Variants in EDIL3 observed in about 807,000 individuals in gnomAD.
EDIL3 encodes the protein EGF-like repeat and discoidin I-like domain-containing protein 3.
In EDIL3, 37 loss-of-function variants were observed where a neutral mutation model predicts 67.4. The observed-to-expected ratio is 0.55, with a 90% CI of 0.42 to 0.72. The LOEUF (loss-of-function observed/expected upper bound fraction) is 0.72, where lower values mean the gene tolerates loss of function less well. Ranked by LOEUF, EDIL3 falls within the 30% of genes least tolerant of loss-of-function variation. EDIL3 has a pLI of 0.00. For missense variants in EDIL3, 527 were observed against 586.3 expected, an observed-to-expected ratio of 0.90 and a Z score of 1.04; for synonymous variants, 195 against 196.3, an observed-to-expected ratio of 0.99 and a Z score of 0.05.
intron 1 of EDIL3, among the ~76,000 whole-genome samples, chr5:84,288,401 G>A (rs560629784): frequency 6.6e-6 from 1 of 152,154 alleles, no homozygotes; most frequent in South Asian, 2.1e-4. Context: ...TGCAGCAAGA[G>A]TGATTTTGTT....
chr5:84,257,193 C>G (rs1745137604), intron 1 of EDIL3, among the ~76,000 whole-genome samples: 1 of 152,084 alleles, frequency 6.6e-6, no homozygotes, highest in Admixed American at 6.6e-5. Flanking sequence ...CCTTAAGAAA[C>G]CTTCCATGGC....
At chr5:84,001,044 T>C (rs929405131) in intron 9 of EDIL3, among the ~76,000 whole-genome samples, 1 of 151,900 alleles carries the variant, frequency 6.6e-6, no homozygotes, top group African/African-American at 2.4e-5. Flanking sequence ...AAAAACCACA[T>C]TTTTATTTTT....
chr5:84,342,003 C>G (rs1279160227), intron 1 of EDIL3, among the ~76,000 whole-genome samples: 1 of 151,998 alleles, frequency 6.6e-6, no homozygotes, highest in Non-Finnish European at 1.5e-5. Context: ...AAACCCTCCC[C>G]TGGGTATCTA....
chr5:83,975,094 C>A (rs1744856976), intron 9 of EDIL3, among the ~76,000 whole-genome samples: 1 of 151,962 alleles, frequency 6.6e-6, no homozygotes, highest in Non-Finnish European at 1.5e-5. Context: ...ACATATATGG[C>A]TATAGTTATA....
chr5:84,263,428 G>T (rs770537666), intron 1 of EDIL3, among the ~76,000 whole-genome samples: 1 of 152,192 alleles, frequency 6.6e-6, no homozygotes, highest in East Asian at 1.9e-4. Context: ...AGAATCAAAG[G>T]GGTAGGTGTA....
At chr5:83,944,726 T>G (rs1039313460) in intron 10 of EDIL3, among the ~76,000 whole-genome samples, 21 of 152,080 alleles carry the variant, frequency 1.4e-4, no homozygotes, top group African/African-American at 5.1e-4. Context: ...ATTTTTAGAG[T>G]AAAAATCTCT....
At chr5:84,352,463 A>AGCC (rs1391045398) in intron 1 of EDIL3, among the ~76,000 whole-genome samples, 1 of 152,172 alleles carries the variant, frequency 6.6e-6, no homozygotes, top group Non-Finnish European at 1.5e-5. Flanking sequence ...GATTCTATGC[A>AGCC]GCCATAAAAA....
intron 4 of EDIL3, among the ~76,000 whole-genome samples, chr5:84,175,781 G>C (rs527459850): frequency 6.6e-6 from 1 of 152,096 alleles, no homozygotes; most frequent in African/African-American, 2.4e-5. Flanking sequence ...CATTCCTTAA[G>C]TCAGTAATCC....
intron 3 of EDIL3, among the ~76,000 whole-genome samples, chr5:84,191,916 G>T (rs1743594287): frequency 1.3e-5 from 2 of 151,848 alleles, no homozygotes; most frequent in Non-Finnish European, 2.9e-5. Context: ...AACTAAATAA[G>T]AATTTTAAAA....
Position 84,384,428 on chromosome 5 carries a change from G to A in EDIL3, c.-54C>T. 3 of 1,594,310 alleles carry A rather than the reference G, an allele frequency of 1.9e-6. No homozygotes were observed. The highest frequency in any genetic ancestry group is 8.6e-7 in the Non-Finnish European group (1 of 1,164,844). On this transcript the variant is annotated 5_prime_UTR_variant, in exon 1 of 11. Transcript: ENST00000296591. Reference sequence around the variant, plus strand: ...TGGTCAGGGGTCGTCGCGGAGGGCAGTGTAGCCGAGGTGGCAGCGCAGGGC... The same window carrying A: ...TGGTCAGGGGTCGTCGCGGAGGGCAATGTAGCCGAGGTGGCAGCGCAGGGC...
chr5:84,076,683 A>G (rs117389690), intron 6 of EDIL3, among the ~76,000 whole-genome samples: 1,784 of 152,332 alleles, frequency 0.012, 56 homozygotes, highest in East Asian at 0.094. Flanking sequence ...CAAGTTTTCC[A>G]AAATTATAAA....
chr5:84,049,321 G>C (rs1253265121), intron 9 of EDIL3, among the ~76,000 whole-genome samples: 2 of 152,066 alleles, frequency 1.3e-5, no homozygotes, highest in African/African-American at 2.4e-5. Context: ...ATTAAAATTG[G>C]TGGTGTCAAA....
chr5:83,983,030 C>T (rs964041232), intron 9 of EDIL3, among the ~76,000 whole-genome samples: 1 of 152,098 alleles, frequency 6.6e-6, no homozygotes, highest in Admixed American at 6.6e-5. Context: ...ATGGGTCTCC[C>T]CCAGTGGAGG....
intron 3 of EDIL3, among the ~76,000 whole-genome samples, chr5:84,208,066 G>A (rs1319944097): frequency 1.3e-5 from 2 of 151,246 alleles, no homozygotes; most frequent in Non-Finnish European, 3.0e-5. Flanking sequence ...TTAAACTAAA[G>A]AGCTTCTGCA....
chr5:84,318,921 A>G (rs957108281), intron 1 of EDIL3, among the ~76,000 whole-genome samples: 1 of 152,218 alleles, frequency 6.6e-6, no homozygotes, highest in Non-Finnish European at 1.5e-5. Context: ...GACAAAGGCT[A>G]ATATCCAGAA....
At chr5:83,950,844 C>T (rs1744407031) in intron 10 of EDIL3, among the ~76,000 whole-genome samples, 1 of 151,638 alleles carries the variant, frequency 6.6e-6, no homozygotes, top group African/African-American at 2.4e-5. Context: ...CTACTTTGTC[C>T]ATCTACTTGG....
chr5:84,093,529 T>C (rs1463156414), intron 6 of EDIL3, among the ~76,000 whole-genome samples: 1 of 152,088 alleles, frequency 6.6e-6, no homozygotes, highest in African/African-American at 2.4e-5. Context: ...AGATGAACCA[T>C]GCAGTGCATG....
At chr5:84,346,741 C>G (rs184737864) in intron 1 of EDIL3, among the ~76,000 whole-genome samples, 1 of 152,208 alleles carries the variant, frequency 6.6e-6, no homozygotes, top group East Asian at 1.9e-4. Context: ...TTTTGTGAAA[C>G]TCTTTGGAGA....
intron 1 of EDIL3, among the ~76,000 whole-genome samples, chr5:84,329,769 T>C (rs1361835762): frequency 1.3e-5 from 2 of 152,112 alleles, no homozygotes; most frequent in Non-Finnish European, 1.5e-5. Flanking sequence ...ATGAACAAGA[T>C]GATAAACATA....
Sources: allele counts gnomAD v4.1 joint callset (sites outside exome capture counted in the v4.1 genomes callset), GRCh38; gene constraint gnomAD v4.1.1; transcripts MANE v1.5; gene names NCBI Gene and HGNC (gene_info 2026-07-23, HGNC 2026-07-21).